Variants in MAP3K13 observed in about 807,000 individuals in gnomAD.
MAP3K13 encodes the protein mitogen-activated protein kinase kinase kinase 13.
Under a neutral mutation model 104.0 loss-of-function variants are expected in MAP3K13, and 52 were observed. The observed-to-expected ratio is 0.50, with a 90% CI of 0.40 to 0.63. The LOEUF is 0.63. Among genes scored for constraint, MAP3K13 ranks in the 20% least tolerant of loss-of-function variants. The probability of loss-of-function intolerance (pLI) is 0.00; values close to 1 mark genes in which losing one functional copy is unlikely to be tolerated. For missense variants in MAP3K13, 914 were observed against 1,218.5 expected (o/e 0.75, Z 3.72); for synonymous variants, 394 against 442.2 (o/e 0.89, Z 1.37).
At chr3:185,441,944 G>A (rs942829086) in intron 3 of MAP3K13, among the ~76,000 whole-genome samples, 3 of 151,608 alleles carry the variant, frequency 2.0e-5, no homozygotes, top group Admixed American at 1.3e-4. Flanking sequence ...GGGAGGCTGA[G>A]ACAGGAGAAT....
In MAP3K13 at chr3:185,484,456, A is replaced by C. The variant is rs143739069; in HGVS notation, c.*2000A>C. 6.6e-6 allele frequency: 1 copy of C among 152,188 alleles called. No homozygotes were observed. The highest frequency in any genetic ancestry group is 2.4e-5 in the African/African-American group (1 of 41,440). 9.4% of individuals were successfully genotyped at this position (152,188 alleles called of 1,614,324 possible). A position where few individuals can be genotyped will look rare whatever the true frequency, so the allele number is the denominator to read the frequency against. ...ACACTGCATCATGTTGGACGTTAGG[A>C]AATACTTGCACAGACAGCTGTTAAA... On this transcript the variant is annotated 3_prime_UTR_variant, in exon 14 of 14. Transcript: ENST00000265026.
At chr3:185,412,181 T>G (rs1713492424) in intron 1 of MAP3K13, among the ~76,000 whole-genome samples, 1 of 152,198 alleles carries the variant, frequency 6.6e-6, no homozygotes, top group South Asian at 2.1e-4. Flanking sequence ...TTTGCATTTA[T>G]TTTTCTTTCC....
At chr3:185,443,670 G>A (rs1253814229) in intron 4 of MAP3K13, 34 bp downstream of exon 4, 1 of 1,589,536 alleles carries the variant, frequency 6.3e-7, no homozygotes, top group African/African-American at 1.3e-5. Flanking sequence ...AGCTATTTTG[G>A]TTTGTTGTTT....
intron 7 of MAP3K13, among the ~76,000 whole-genome samples, chr3:185,459,001 T>A (rs895164824): frequency 9.2e-5 from 14 of 152,212 alleles, no homozygotes; most frequent in Middle Eastern, 3.2e-3. Flanking sequence ...TAGAAAACAC[T>A]GTCACCCAAT....
At chr3:185,359,482 G>T (rs112092450), upstream of MAP3K13, among the ~76,000 whole-genome samples, 785 of 152,230 alleles carry the variant, frequency 5.2e-3, 9 homozygotes, top group Middle Eastern at 0.02. Flanking sequence ...TCCTGGATCT[G>T]CACAGTTGTT....
At chr3:185,325,015 G>C (rs921008265) in intron 2 of MAP3K13, among the ~76,000 whole-genome samples, 1 of 152,178 alleles carries the variant, frequency 6.6e-6, no homozygotes, top group Non-Finnish European at 1.5e-5. Flanking sequence ...TTATGGATCA[G>C]TATCAAACTA....
intron 12 of MAP3K13, among the ~76,000 whole-genome samples, chr3:185,477,781 T>C (rs1020228892): frequency 6.6e-6 from 1 of 152,192 alleles, no homozygotes; most frequent in African/African-American, 2.4e-5. Flanking sequence ...CAACAGAAAT[T>C]GATTTCTCAC....
rs1416004744 is a variant in MAP3K13, at chr3:185,454,383, T to C, written c.1278+2988T>C. Among the ~76,000 whole-genome samples the C allele has an allele frequency of 1.4e-4, 2 of 14,396 alleles. 1 individual carries two copies. The highest frequency in any genetic ancestry group is 3.7e-3 in the East Asian group (2 of 542). 9.4% of individuals were successfully genotyped at this position (14,396 alleles called of 152,430 possible). A position where few individuals can be genotyped will look rare whatever the true frequency, so the allele number is the denominator to read the frequency against. On this transcript the variant is annotated intron_variant, in intron 7 of 13. Transcript: ENST00000265026. The stretch of plus-strand genomic sequence containing the variant: ...ATATATGAGATATATATATGAGATA[T>C]ATGAGATATATATGAGATATATATA...
chr3:185,319,626 TA>T (rs1721790206), intron 2 of MAP3K13, among the ~76,000 whole-genome samples: 1 of 152,232 alleles, frequency 6.6e-6, no homozygotes, highest in South Asian at 2.1e-4. Context: ...TCAGTCCTTC[TA>T]GGCTAGATAC....
At chr3:185,323,890 T>C (rs1721954690) in intron 2 of MAP3K13, among the ~76,000 whole-genome samples, 1 of 152,234 alleles carries the variant, frequency 6.6e-6, no homozygotes, top group Non-Finnish European at 1.5e-5. Context: ...TTGTATCTTA[T>C]GAAACTTTTT....
At chr3:185,341,074 G>T (rs914387141) in intron 2 of MAP3K13, among the ~76,000 whole-genome samples, 1 of 151,970 alleles carries the variant, frequency 6.6e-6, no homozygotes, top group Middle Eastern at 3.2e-3. Context: ...AATTTTGGGG[G>T]CATACTATTC....
chr3:185,394,790 A>G (rs1712281219), intron 1 of MAP3K13, among the ~76,000 whole-genome samples: 1 of 152,150 alleles, frequency 6.6e-6, no homozygotes, highest in Non-Finnish European at 1.5e-5. Context: ...AGGAGAGGAA[A>G]CTTTCTAGAA....
At chr3:185,321,486 G>A (rs974740601) in intron 2 of MAP3K13, among the ~76,000 whole-genome samples, 1 of 152,140 alleles carries the variant, frequency 6.6e-6, no homozygotes, top group African/African-American at 2.4e-5. Context: ...AAATATGAAC[G>A]ATACATTCAA....
intron 2 of MAP3K13, among the ~76,000 whole-genome samples, chr3:185,332,038 A>T (rs893344030): frequency 2.6e-5 from 4 of 152,222 alleles, no homozygotes; most frequent in Admixed American, 1.3e-4. Context: ...CTGTTGATAG[A>T]CATTTTGGTT....
chr3:185,418,947 G>A lies in MAP3K13; in HGVS notation c.-85-9550G>A, dbSNP rs1713965880. Among the ~76,000 whole-genome samples the A allele has an allele frequency of 6.6e-6, 1 of 152,064 alleles. No homozygotes were observed. The highest frequency in any genetic ancestry group is 2.1e-4 in the South Asian group (1 of 4,824). ...TAGTAGAAAAGGTAAAAACAAAATA[G>A]GAGTCATTAACTTTTGTTTGCTCAT... On this transcript the variant is annotated intron_variant, in intron 1 of 13. Coordinates refer to ENST00000265026, the MANE Select transcript of MAP3K13 (RefSeq NM_004721.5). The surrounding 1 kb of genome is among the most constrained non-coding windows in gnomAD (Gnocchi z 4.5).
chr3:185,389,363 T>C (rs1387931169), intron 1 of MAP3K13, among the ~76,000 whole-genome samples: 1 of 152,182 alleles, frequency 6.6e-6, no homozygotes, highest in Non-Finnish European at 1.5e-5. Context: ...GTTTCTCCTA[T>C]GTATATAATA....
At chr3:185,455,068 A>G (rs1310829054) in intron 7 of MAP3K13, among the ~76,000 whole-genome samples, 1 of 116,720 alleles carries the variant, frequency 8.6e-6, no homozygotes, top group Admixed American at 1.1e-4. Flanking sequence ...TGAGATATAT[A>G]TGAGATATAT....
intron 3 of MAP3K13, 133 bp downstream of exon 3, chr3:185,437,763 G>C: frequency 1.2e-6 from 1 of 819,000 alleles, no homozygotes; most frequent in South Asian, 2.2e-5. Context: ...GCTTTGGGAG[G>C]GTATCAAGGA....
At position 185,321,100 on chromosome 3, in the gene MAP3K13, GCA is replaced by G. The variant is rs940363646; in HGVS notation, c.-86+35464_-86+35465del. On this transcript the variant is annotated intron_variant, in intron 2 of 14. Coordinates refer to the MAP3K13 transcript ENST00000424227. ...TGCGTGCACACATATACACATGCGTGCACACACATATGCGTGCACACACATAT... is the reference window on the plus strand; with the variant it reads ...TGCGTGCACACATATACACATGCGTGCACACATATGCGTGCACACACATAT... 6.6e-5 allele frequency among the ~76,000 whole-genome samples: 10 copies of G among 150,780 alleles called. 1 individual carries two copies. In the South Asian group the frequency reaches 1.5e-3, roughly 22 times the overall value.
Sources: allele counts gnomAD v4.1 joint callset (sites outside exome capture counted in the v4.1 genomes callset), GRCh38; gene constraint gnomAD v4.1.1; non-coding constraint Gnocchi (gnomAD v3.1); transcripts MANE v1.5; gene names NCBI Gene and HGNC (gene_info 2026-07-23, HGNC 2026-07-21).